The following GNA14 variants were observed in gnomAD, a reference collection of about 807,000 sequenced individuals.
The protein encoded by GNA14 is guanine nucleotide-binding protein subunit alpha-14.
Under a neutral mutation model 42.0 loss-of-function variants are expected in GNA14, and 50 were observed. The ratio of observed to expected loss-of-function variants is 1.19; its 90% CI spans 0.95 to 1.51. The LOEUF (loss-of-function observed/expected upper bound fraction) is 1.51, where lower values mean the gene tolerates loss of function less well. Among genes scored for constraint, GNA14 ranks in the 40% most tolerant of loss-of-function variants. GNA14 has a pLI of 0.00. For synonymous variants in GNA14, 173 were observed against 163.1 expected (o/e 1.06, Z -0.46); for missense variants, 473 against 446.2 (o/e 1.06, Z -0.54).
chr9:77,518,268 G>T (rs1837293345), intron 2 of GNA14, among the ~76,000 whole-genome samples: 1 of 152,166 alleles, frequency 6.6e-6, no homozygotes, highest in Non-Finnish European at 1.5e-5. Flanking sequence ...TCCCTTTCTA[G>T]TATACCAAGA....
intron 2 of GNA14, among the ~76,000 whole-genome samples, chr9:77,489,780 G>C (rs1368085005): frequency 6.6e-6 from 1 of 152,174 alleles, no homozygotes; most frequent in Non-Finnish European, 1.5e-5. Context: ...GCTCAGGACT[G>C]AAGCTGCAGA....
In GNA14 at chr9:77,615,955, T is replaced by C. The variant is rs976397284; in HGVS notation, c.124+31715A>G. Among the ~76,000 whole-genome samples, 199 of 152,098 alleles carry C rather than the reference T, an allele frequency of 1.3e-3. 2 individuals carry two copies. The highest frequency in any genetic ancestry group is 1.3e-4 in the Non-Finnish European group (9 of 67,976). ...TGTTGTTGTTGTTGTTGTTGCATTA[T>C]GGTCACTGAAATACTTCATATCTTG... is the stretch of plus-strand genomic sequence containing the variant. On this transcript the variant is annotated intron_variant, in intron 1 of 6. Coordinates refer to ENST00000341700, the MANE Select transcript of GNA14 (RefSeq NM_004297.4).
At chr9:77,496,639 G>A (rs1836875544) in intron 2 of GNA14, among the ~76,000 whole-genome samples, 1 of 152,180 alleles carries the variant, frequency 6.6e-6, no homozygotes, top group Non-Finnish European at 1.5e-5. Context: ...TAATCTGTAT[G>A]GCAGGAATTC....
At chr9:77,603,566 A>T (rs1355534506) in intron 1 of GNA14, among the ~76,000 whole-genome samples, 1 of 152,222 alleles carries the variant, frequency 6.6e-6, no homozygotes, top group Non-Finnish European at 1.5e-5. Flanking sequence ...ATGAAAATCA[A>T]GTGAGTTTAG....
At chr9:77,572,875 T>C (rs576015886) in intron 1 of GNA14, among the ~76,000 whole-genome samples, 1 of 152,278 alleles carries the variant, frequency 6.6e-6, no homozygotes, top group East Asian at 1.9e-4. Flanking sequence ...AAATGTTCCA[T>C]TGTGGCTTCA....
At chr9:77,488,147 C>G (rs1418665024) in intron 2 of GNA14, among the ~76,000 whole-genome samples, 1 of 152,150 alleles carries the variant, frequency 6.6e-6, no homozygotes, top group Non-Finnish European at 1.5e-5. Flanking sequence ...TCTTAGAACT[C>G]ACATATGAGG....
intron 1 of GNA14, among the ~76,000 whole-genome samples, chr9:77,573,470 T>C (rs1186106033): frequency 6.6e-6 from 1 of 151,672 alleles, no homozygotes; most frequent in African/African-American, 2.4e-5. Context: ...TAAATAAAAA[T>C]TTAAAAATAA....
chr9:77,646,804 G>A (rs940166801), intron 1 of GNA14, among the ~76,000 whole-genome samples: 4 of 152,232 alleles, frequency 2.6e-5, no homozygotes, highest in Non-Finnish European at 4.4e-5. Flanking sequence ...TCTGAGATGG[G>A]ATCCTTGCCT....
rs1024641249 is a variant in GNA14 at position 77,423,334 on chromosome 9, C to A, written c.*645G>T. 8.5e-5 allele frequency: 13 copies of A among 152,090 alleles called. No individual in the cohort carries two copies. Among genetic ancestry groups the A allele is most frequent in the Non-Finnish European group, 1.8e-4 (12 of 68,034 alleles). The allele number at this position is 152,090 out of a possible 1,614,324, so 9.4% of individuals were successfully genotyped here. ...ATATGCTATCTAGAGCCCATTTACT[C>A]TATGTCAGCTTTGGCTTCTTGGTGA... On this transcript the variant is annotated 3_prime_UTR_variant, in exon 7 of 7. Transcript: ENST00000341700.
chr9:77,639,072 G>A (rs1001454207), intron 1 of GNA14, among the ~76,000 whole-genome samples: 11 of 152,136 alleles, frequency 7.2e-5, no homozygotes, highest in Admixed American at 5.9e-4. Flanking sequence ...TTTTGAGTTT[G>A]CCTTTACCAA....
At chr9:77,514,829 A>G (rs547789915) in intron 2 of GNA14, among the ~76,000 whole-genome samples, 28 of 152,168 alleles carry the variant, frequency 1.8e-4, no homozygotes, top group African/African-American at 4.3e-4. Context: ...TAGCCAGGAT[A>G]GTCTCGATCT....
chr9:77,643,579 C>T (rs993679197), intron 1 of GNA14, among the ~76,000 whole-genome samples: 2 of 152,102 alleles, frequency 1.3e-5, no homozygotes, highest in African/African-American at 4.8e-5. Context: ...ACTATTTGCA[C>T]CATTTTCTGG....
At chr9:77,479,122 C>T (rs1162300822) in intron 2 of GNA14, among the ~76,000 whole-genome samples, 1 of 151,050 alleles carries the variant, frequency 6.6e-6, no homozygotes, top group Non-Finnish European at 1.5e-5. Flanking sequence ...AATGGTACTG[C>T]CTAGGTTTTC....
intron 1 of GNA14, among the ~76,000 whole-genome samples, chr9:77,562,786 T>C (rs530312970): frequency 6.6e-6 from 1 of 152,234 alleles, no homozygotes; most frequent in African/African-American, 2.4e-5. Context: ...TGTTTTATTT[T>C]TCAAAATGAA....
rs150521917 is a variant in GNA14 at position 77,483,927 on chromosome 9, C to A, written c.309+45142G>T. 2.0e-5 allele frequency among the ~76,000 whole-genome samples: 3 copies of A among 152,166 alleles called. No individual in the cohort carries two copies. In the East Asian group the frequency reaches 5.8e-4, roughly 29 times the overall value. On this transcript the variant is annotated intron_variant, in intron 2 of 6. Coordinates refer to ENST00000341700, the MANE Select transcript of GNA14 (RefSeq NM_004297.4). ...AAACACAAAATAAAAGATAGTAATG[C>A]TTTCAAAATCAGAGTGAGAATGACT...
intron 1 of GNA14, among the ~76,000 whole-genome samples, chr9:77,637,675 C>T (rs1824204006): frequency 6.6e-6 from 1 of 152,042 alleles, no homozygotes; most frequent in African/African-American, 2.4e-5. Context: ...TGGGCAATAG[C>T]AAGACCCCAT....
At chr9:77,487,865 C>T (rs1037265259) in intron 2 of GNA14, among the ~76,000 whole-genome samples, 3 of 152,190 alleles carry the variant, frequency 2.0e-5, no homozygotes, top group African/African-American at 7.2e-5. Context: ...CTCACCATCT[C>T]GCTCAGATCT....
intron 1 of GNA14, among the ~76,000 whole-genome samples, chr9:77,624,226 C>A (rs1012320350): frequency 6.6e-6 from 1 of 152,210 alleles, no homozygotes; most frequent in Admixed American, 6.5e-5. Flanking sequence ...CTAGATTCCT[C>A]CTCTCTGGAC....
chr9:77,446,674 T>C (rs1835823644), intron 2 of GNA14, among the ~76,000 whole-genome samples: 1 of 152,190 alleles, frequency 6.6e-6, no homozygotes, highest in Non-Finnish European at 1.5e-5. Context: ...ATCTGGATTT[T>C]GAATGACTGT....
Sources: allele counts gnomAD v4.1 joint callset (sites outside exome capture counted in the v4.1 genomes callset), GRCh38; gene constraint gnomAD v4.1.1; transcripts MANE v1.5; gene names NCBI Gene and HGNC (gene_info 2026-07-23, HGNC 2026-07-21).